HS6ST3: variants seen among roughly 807,000 people sequenced by gnomAD.
HS6ST3 encodes the protein heparan sulfate 6-O-sulfotransferase 3.
Under a neutral mutation model 36.7 loss-of-function variants are expected in HS6ST3, and 12 were observed. The ratio of observed to expected loss-of-function variants is 0.33; its 90% CI spans 0.21 to 0.53. The LOEUF (loss-of-function observed/expected upper bound fraction) is 0.53, where lower values mean the gene tolerates loss of function less well. Among genes scored for constraint, HS6ST3 ranks in the 20% least tolerant of loss-of-function variants. The pLI, the probability that HS6ST3 is intolerant of heterozygous loss-of-function variation, is 0.95. For missense variants in HS6ST3, 584 were observed against 640.9 expected (o/e 0.91, Z 0.96); for synonymous variants, 240 against 257.5 (o/e 0.93, Z 0.65).
At chr13:96,587,124 G>T (rs2056364657) in intron 1 of HS6ST3, among the ~76,000 whole-genome samples, 1 of 152,026 alleles carries the variant, frequency 6.6e-6, no homozygotes, top group Admixed American at 6.6e-5. Context: ...TTATTCCTGG[G>T]TTCTCTCTTC....
At position 96,367,063 on chromosome 13, in the gene HS6ST3, T is replaced by C. The variant is rs373419985; in HGVS notation, c.707+275494T>C. On this transcript the variant is annotated intron_variant, in intron 1 of 1. Coordinates refer to ENST00000376705, the MANE Select transcript of HS6ST3 (RefSeq NM_153456.4). ...TATTAGTTACCCACTTTTGGTTATG[T>C]CATTATTATCAGCATGAGAACAGAC... is the stretch of plus-strand genomic sequence containing the variant. Among the ~76,000 whole-genome samples, 13 of 152,336 alleles carry C rather than the reference T, an allele frequency of 8.5e-5. No individual in the cohort carries two copies. The East Asian group carries it at 1.7e-3, about 20-fold the overall frequency.
chr13:96,517,337 G>T (rs1296827475), intron 1 of HS6ST3, among the ~76,000 whole-genome samples: 2 of 152,118 alleles, frequency 1.3e-5, no homozygotes, highest in Non-Finnish European at 2.9e-5. Flanking sequence ...CTGTGATTGT[G>T]CTGCTGCACT....
chr13:96,369,037 T>A (rs1043092434), intron 1 of HS6ST3, among the ~76,000 whole-genome samples: 2 of 149,582 alleles, frequency 1.3e-5, no homozygotes, highest in Non-Finnish European at 3.0e-5. Flanking sequence ...GAGGATTAAG[T>A]CTGTAAGAGA....
chr13:96,370,759 A>C (rs113126772), intron 1 of HS6ST3, among the ~76,000 whole-genome samples: 2,284 of 152,226 alleles, frequency 0.015, 26 homozygotes, highest in East Asian at 0.056. Context: ...TAAAAATACA[A>C]AAATTAGCCG....
chr13:96,565,404 G>A (rs527443955), intron 1 of HS6ST3, among the ~76,000 whole-genome samples: 6 of 152,006 alleles, frequency 3.9e-5, no homozygotes, highest in Admixed American at 2.0e-4. Flanking sequence ...TAAAGAACAG[G>A]ACAGGTATCC....
intron 1 of HS6ST3, among the ~76,000 whole-genome samples, chr13:96,769,549 C>T (rs1247361994): frequency 6.7e-6 from 1 of 148,980 alleles, no homozygotes; most frequent in Non-Finnish European, 1.5e-5. Context: ...GTATTGCTGA[C>T]ACATTGTTTT....
chr13:96,692,117 A>G (rs557116026), intron 1 of HS6ST3, among the ~76,000 whole-genome samples: 1 of 152,266 alleles, frequency 6.6e-6, no homozygotes, highest in South Asian at 2.1e-4. Context: ...AGAGTCATTC[A>G]AACAAATATT....
intron 1 of HS6ST3, among the ~76,000 whole-genome samples, chr13:96,216,698 G>A (rs1479153802): frequency 6.6e-6 from 1 of 152,126 alleles, no homozygotes; most frequent in Non-Finnish European, 1.5e-5. Flanking sequence ...CAGGTGCCCA[G>A]AGGAAGCTTG....
intron 1 of HS6ST3, among the ~76,000 whole-genome samples, chr13:96,706,425 A>ATATATT (rs1241684580): frequency 3.1e-5 from 4 of 128,376 alleles, no homozygotes; most frequent in Non-Finnish European, 1.8e-5. Context: ...ATATATATAT[A>ATATATT]TATATATATA....
At chr13:96,597,321 G>A (rs2056405288) in intron 1 of HS6ST3, among the ~76,000 whole-genome samples, 1 of 150,228 alleles carries the variant, frequency 6.7e-6, no homozygotes, top group African/African-American at 2.5e-5. Context: ...ACCTGCACAT[G>A]TACCCCTGAA....
chr13:96,123,247 C>A (rs756819070), intron 1 of HS6ST3, among the ~76,000 whole-genome samples: 4 of 152,188 alleles, frequency 2.6e-5, no homozygotes, highest in Non-Finnish European at 5.9e-5. Context: ...CAATGCTTAA[C>A]AATCCTTGAG....
At chr13:96,140,115 C>G (rs544125402) in intron 1 of HS6ST3, among the ~76,000 whole-genome samples, 1 of 151,936 alleles carries the variant, frequency 6.6e-6, no homozygotes, top group Non-Finnish European at 1.5e-5. Flanking sequence ...TTTTATTATA[C>G]GCTAACCATA....
At position 96,526,488 on chromosome 13, in the gene HS6ST3, T is replaced by A. The variant is rs1255889411; in HGVS notation, c.708-306002T>A. 2.0e-5 allele frequency among the ~76,000 whole-genome samples: 3 copies of A among 152,192 alleles called. No individual in the cohort carries two copies. The East Asian group carries it at 5.8e-4, about 29-fold the overall frequency. ...TGGTCTGCTTACCTCCTTGTTCTAATCCTCTCCAAATTAGGAGGTATCAGT... is the reference window on the plus strand; with the variant it reads ...TGGTCTGCTTACCTCCTTGTTCTAAACCTCTCCAAATTAGGAGGTATCAGT... On this transcript the variant is annotated intron_variant, in intron 1 of 1. Transcript: ENST00000376705.
chr13:96,318,424 T>C (rs1594751895), intron 1 of HS6ST3, among the ~76,000 whole-genome samples: 1 of 151,998 alleles, frequency 6.6e-6, no homozygotes, highest in South Asian at 2.1e-4. Flanking sequence ...CCCAGCTACT[T>C]GGGAGGCTGA....
intron 1 of HS6ST3, among the ~76,000 whole-genome samples, chr13:96,147,859 T>A (rs535987908): frequency 6.6e-6 from 1 of 152,222 alleles, no homozygotes; most frequent in East Asian, 1.9e-4. Flanking sequence ...TAAAAATGCA[T>A]AACAATAAAC....
intron 1 of HS6ST3, among the ~76,000 whole-genome samples, chr13:96,535,086 G>A (rs2056149942): frequency 6.6e-6 from 1 of 152,188 alleles, no homozygotes; most frequent in Non-Finnish European, 1.5e-5. Context: ...GCCTTGGAGG[G>A]TAAGTCATTG....
At chr13:96,573,120 T>C (rs143363584) in intron 1 of HS6ST3, among the ~76,000 whole-genome samples, 64 of 152,290 alleles carry the variant, frequency 4.2e-4, no homozygotes, top group Admixed American at 3.7e-3. Context: ...TGTGTAACAT[T>C]GAGCAAGCTG....
At chr13:96,371,308 T>A (rs1002230899) in intron 1 of HS6ST3, among the ~76,000 whole-genome samples, 3 of 152,194 alleles carry the variant, frequency 2.0e-5, no homozygotes, top group Non-Finnish European at 4.4e-5. Context: ...TTAGAAATCT[T>A]TTTTATAGCT....
chr13:96,537,167 T>A (rs955856787), intron 1 of HS6ST3, among the ~76,000 whole-genome samples: 1 of 152,148 alleles, frequency 6.6e-6, no homozygotes, highest in Non-Finnish European at 1.5e-5. Context: ...TCATGGTGGA[T>A]GGCGAAAGGC....
Sources: allele counts gnomAD v4.1 joint callset (sites outside exome capture counted in the v4.1 genomes callset), GRCh38; gene constraint gnomAD v4.1.1; transcripts MANE v1.5; gene names NCBI Gene and HGNC (gene_info 2026-07-23, HGNC 2026-07-21).